Variants in MAP4K3 observed in about 807,000 individuals in gnomAD.
MAP4K3 encodes mitogen-activated protein kinase kinase kinase kinase 3, also known as MAPK/ERK kinase kinase kinase 3.
MAP4K3 carries 94 observed loss-of-function variants against 143.5 expected under a neutral mutation model. The ratio of observed to expected loss-of-function variants is 0.65; its 90% CI spans 0.55 to 0.78. The LOEUF (loss-of-function observed/expected upper bound fraction) is 0.78, where lower values mean the gene tolerates loss of function less well. Among genes scored for constraint, MAP4K3 ranks in the 30% least tolerant of loss-of-function variants. The probability of loss-of-function intolerance (pLI) is 0.00; values close to 1 mark genes in which losing one functional copy is unlikely to be tolerated. For missense variants in MAP4K3, 1,077 were observed against 1,068.1 expected (o/e 1.01, Z -0.12); for synonymous variants, 416 against 347.2 (o/e 1.20, Z -2.20).
In MAP4K3 at chr2:39,251,849, T is replaced by A; in HGVS notation, c.2578A>T (p.Arg860Trp). Residue 860 changes from arginine to tryptophan, a missense_variant, in exon 33 of 34, where the codon AGG (arginine) becomes TGG (tryptophan). By Grantham distance (101) the Arg-to-Trp change is moderately radical. This residue lies in a region of MAP4K3 where 864 missense variants were observed against 801.2 expected (regional missense o/e 1.08). Coordinates refer to ENST00000263881, the MANE Select transcript of MAP4K3 (RefSeq NM_003618.4). ...TCATACCTGTCAGATCCAAGCAGCC[T>A]GAAAATTCTTGTGCTATCTGAAATT... ...QEISDSTRIF[R>W]LLGSDRVVVL... The A allele has an allele frequency of 6.2e-7, 1 of 1,613,654 alleles. No homozygotes were observed. Among genetic ancestry groups the A allele is most frequent in the Non-Finnish European group, 8.5e-7 (1 of 1,179,700 alleles).
intron 1 of MAP4K3, among the ~76,000 whole-genome samples, chr2:39,388,083 A>G (rs1002439958): frequency 5.3e-5 from 8 of 152,346 alleles, no homozygotes; most frequent in African/African-American, 9.6e-5. Context: ...TTCCATATCA[A>G]TAACACTTCT....
intron 1 of MAP4K3, among the ~76,000 whole-genome samples, chr2:39,429,929 T>A (rs1665232578): frequency 6.6e-6 from 1 of 152,196 alleles, no homozygotes; most frequent in African/African-American, 2.4e-5. Flanking sequence ...CTGATTTTCA[T>A]CAAAAGTGCT....
intron 6 of MAP4K3, among the ~76,000 whole-genome samples, chr2:39,336,147 C>T (rs1224285420): frequency 1.3e-5 from 2 of 152,124 alleles, no homozygotes; most frequent in Non-Finnish European, 2.9e-5. Context: ...ATTCAGAGCA[C>T]CTGCTCTCCT....
intron 12 of MAP4K3, among the ~76,000 whole-genome samples, chr2:39,320,727 A>G (rs1683272925): frequency 6.6e-6 from 1 of 152,218 alleles, no homozygotes; most frequent in Non-Finnish European, 1.5e-5. Flanking sequence ...TTGCAGCTCC[A>G]TACTCACACT....
intron 16 of MAP4K3, among the ~76,000 whole-genome samples, chr2:39,295,057 A>C (rs1368558061): frequency 1.3e-5 from 2 of 152,158 alleles, no homozygotes; most frequent in African/African-American, 2.4e-5. Flanking sequence ...AAAGTAAAAC[A>C]ATGCTACTTT....
intron 16 of MAP4K3, among the ~76,000 whole-genome samples, chr2:39,297,164 C>T (rs1458309103): frequency 6.6e-6 from 1 of 151,806 alleles, no homozygotes; most frequent in Admixed American, 6.6e-5. Flanking sequence ...GTCGCCCAGG[C>T]TGGAGTGCAA....
At chr2:39,345,628 A>G (rs148901743) in intron 3 of MAP4K3, among the ~76,000 whole-genome samples, 2 of 152,086 alleles carry the variant, frequency 1.3e-5, no homozygotes, top group African/African-American at 4.8e-5. Context: ...AAATAATGCT[A>G]AAAAGAGTGG....
At chr2:39,378,187 C>T (rs1484943586) in intron 1 of MAP4K3, 64 bp from the exon 2 acceptor site, 11 of 848,870 alleles carry the variant, frequency 1.3e-5, no homozygotes, top group Non-Finnish European at 2.1e-5. Flanking sequence ...TATAAAATTT[C>T]ACTTTAGCTT....
chr2:39,361,105 T>G (rs541602794), intron 2 of MAP4K3, among the ~76,000 whole-genome samples: 145 of 152,330 alleles, frequency 9.5e-4, no homozygotes, highest in Non-Finnish European at 1.8e-3. Flanking sequence ...GTTTCACAAC[T>G]TACTAGTTGT....
chr2:39,331,732 A>G (rs1218831109), intron 8 of MAP4K3, among the ~76,000 whole-genome samples, 185 bp downstream of exon 8: 1 of 152,118 alleles, frequency 6.6e-6, no homozygotes, highest in African/African-American at 2.4e-5. Flanking sequence ...TTAGTGAAAA[A>G]TAACATGGTA....
chr2:39,323,847 G>A (rs1464464141), intron 12 of MAP4K3: 1 of 151,856 alleles, frequency 6.6e-6, no homozygotes, highest in African/African-American at 2.4e-5. Flanking sequence ...ATAATACACT[G>A]TAAATAATAG....
chr2:39,276,219 G>A (rs1186806934), intron 24 of MAP4K3, among the ~76,000 whole-genome samples: 1 of 152,038 alleles, frequency 6.6e-6, no homozygotes, highest in Non-Finnish European at 1.5e-5. Flanking sequence ...CATCCCGAAG[G>A]CACCCCAAAC....
At chr2:39,276,779 G>T (rs970283144) in intron 24 of MAP4K3, among the ~76,000 whole-genome samples, 1 of 152,180 alleles carries the variant, frequency 6.6e-6, no homozygotes, top group Non-Finnish European at 1.5e-5. Context: ...TGACTCGTGG[G>T]TACTAAATGA....
At chr2:39,261,996 C>T (rs2148441766) in intron 28 of MAP4K3, among the ~76,000 whole-genome samples, 1 of 152,122 alleles carries the variant, frequency 6.6e-6, no homozygotes, top group East Asian at 1.9e-4. Flanking sequence ...AATTTTTCTT[C>T]ACAAATTAAA....
At chr2:39,267,679 CAAAAA>C (rs57082856) in intron 26 of MAP4K3, among the ~76,000 whole-genome samples, 7 of 130,562 alleles carry the variant, frequency 5.4e-5, no homozygotes, top group Admixed American at 7.6e-5. Context: ...ACTCGGTCTC[CAAAAA>C]AAAAAAAAAA....
chr2:39,330,584 G>A lies in MAP4K3; in HGVS notation c.530+1333C>T, dbSNP rs1232062524. ...GGCAAAAGAGCTAGAGAATTCAACA[G>A]TCCAGGCTGGAACAGGAGGGAAAAT... On this transcript the variant is annotated intron_variant, in intron 8 of 33. Transcript: ENST00000263881. 2.0e-5 allele frequency among the ~76,000 whole-genome samples: 3 copies of A among 152,156 alleles called. No individual in the cohort carries two copies. In the South Asian group the frequency reaches 6.2e-4, roughly 32 times the overall value.
At chr2:39,311,841 A>C (rs892287311) in intron 13 of MAP4K3, among the ~76,000 whole-genome samples, 1 of 152,234 alleles carries the variant, frequency 6.6e-6, no homozygotes, top group Non-Finnish European at 1.5e-5. Flanking sequence ...GTTAGAGACA[A>C]TAAATGTTTA....
In MAP4K3 at chr2:39,377,738, A is replaced by G. The variant is rs373490468; in HGVS notation, c.154+328T>C. On this transcript the variant is annotated intron_variant, in intron 2 of 33. Coordinates refer to ENST00000263881, the MANE Select transcript of MAP4K3 (RefSeq NM_003618.4). ...AAATTTCAGTTCTGTTTTTTCCACT[A>G]CATCACACTGACACCACAAGACGTC... Among the ~76,000 whole-genome samples the G allele has an allele frequency of 1.5e-4, 23 of 152,300 alleles. No homozygotes were observed. The East Asian group carries it at 2.3e-3, about 15-fold the overall frequency.
intron 1 of MAP4K3, among the ~76,000 whole-genome samples, chr2:39,386,191 G>C (rs1039122313): frequency 6.6e-6 from 1 of 152,174 alleles, no homozygotes; most frequent in Non-Finnish European, 1.5e-5. Flanking sequence ...TACATGCACA[G>C]TGAAAAGGCC....
Sources: allele counts gnomAD v4.1 joint callset (sites outside exome capture counted in the v4.1 genomes callset), GRCh38; gene constraint gnomAD v4.1.1; regional missense constraint gnomAD v4.1.1; transcripts MANE v1.5; gene names NCBI Gene and HGNC (gene_info 2026-07-23, HGNC 2026-07-21).